GGACT: variants seen among roughly 807,000 people sequenced by gnomAD.
GGACT encodes the protein gamma-glutamylaminecyclotransferase.
For synonymous variants in GGACT, 118 were observed against 115.3 expected (o/e 1.02, Z -0.15); for missense variants, 241 against 233.2 (o/e 1.03, Z -0.22).
intron 1 of GGACT, among the ~76,000 whole-genome samples, chr13:100,586,227 T>TA (rs2153017762): frequency 6.6e-6 from 1 of 152,244 alleles, no homozygotes; most frequent in South Asian, 2.1e-4. Flanking sequence ...GGTGAAGTGT[T>TA]ATGTTGTCTG....
At chr13:100,560,279 T>G (rs1054296475) in intron 2 of GGACT, among the ~76,000 whole-genome samples, 1 of 152,222 alleles carries the variant, frequency 6.6e-6, no homozygotes, top group Non-Finnish European at 1.5e-5. Flanking sequence ...TCAAAAAAGC[T>G]GAATTATTTT....
chr13:100,573,894 A>C (rs7983500), intron 2 of GGACT, among the ~76,000 whole-genome samples: 2 of 150,618 alleles, frequency 1.3e-5, no homozygotes, highest in East Asian at 1.9e-4. Flanking sequence ...CAAAAAAAAA[A>C]AAAAAACATG....
intron 2 of GGACT, among the ~76,000 whole-genome samples, chr13:100,549,119 G>A (rs911910437): frequency 2.0e-5 from 3 of 152,060 alleles, no homozygotes; most frequent in East Asian, 1.9e-4. Flanking sequence ...AGGCTGAGGC[G>A]GGTGGTTCAC....
intron 2 of GGACT, among the ~76,000 whole-genome samples, chr13:100,564,276 A>G (rs1333618096): frequency 6.6e-6 from 1 of 152,214 alleles, no homozygotes. Flanking sequence ...CTCTCGAACT[A>G]CTAACTTTTA....
At chr13:100,549,630 C>G (rs1050988326) in intron 2 of GGACT, among the ~76,000 whole-genome samples, 2 of 152,230 alleles carry the variant, frequency 1.3e-5, no homozygotes, top group Non-Finnish European at 2.9e-5. Flanking sequence ...AGGCAGGACT[C>G]GTTTTGGTAG....
At chr13:100,569,552 A>AC (rs1332773090) in intron 2 of GGACT, among the ~76,000 whole-genome samples, 37 of 152,214 alleles carry the variant, frequency 2.4e-4, no homozygotes, top group African/African-American at 8.9e-4. Flanking sequence ...CCACAAAAGC[A>AC]TTTTTCCCTC....
chr13:100,582,594 G>A (rs1359482883), intron 2 of GGACT, among the ~76,000 whole-genome samples: 2 of 152,146 alleles, frequency 1.3e-5, no homozygotes, highest in East Asian at 3.9e-4. Context: ...CAGATGTGAC[G>A]ACAAAAGCAG....
intron 2 of GGACT, among the ~76,000 whole-genome samples, chr13:100,544,205 G>A (rs1237507587): frequency 6.6e-6 from 1 of 152,170 alleles, no homozygotes; most frequent in Admixed American, 6.5e-5. Flanking sequence ...AGAAAACGCC[G>A]AGTGTCTGAT....
chr13:100,584,049 A>G (rs1875494815), intron 1 of GGACT, 52 bp from the exon 2 acceptor site: 1 of 152,222 alleles, frequency 6.6e-6, no homozygotes, highest in Non-Finnish European at 1.5e-5. Flanking sequence ...TAAACATTTA[A>G]GCAATAAGGG....
chr13:100,546,293 C>T (rs961359201), intron 2 of GGACT, among the ~76,000 whole-genome samples: 21 of 139,460 alleles, frequency 1.5e-4, no homozygotes, highest in African/African-American at 3.5e-4. Context: ...ACCCGGTAGG[C>T]GGAGCTTGCA....
intron 2 of GGACT, among the ~76,000 whole-genome samples, chr13:100,532,852 C>T (rs949751294): frequency 8.5e-5 from 13 of 152,236 alleles, no homozygotes; most frequent in Admixed American, 6.5e-5. Flanking sequence ...TGTTCACAAA[C>T]GGGCACCAGG....
At chr13:100,546,999 C>A (rs72661028) in intron 2 of GGACT, among the ~76,000 whole-genome samples, 1,524 of 152,340 alleles carry the variant, frequency 0.01, 14 homozygotes, top group Non-Finnish European at 0.015. Flanking sequence ...CCACTCAGCC[C>A]AGATTCCCAA....
intron 2 of GGACT, among the ~76,000 whole-genome samples, chr13:100,544,378 G>A (rs899388626): frequency 2.6e-5 from 4 of 152,224 alleles, no homozygotes; most frequent in African/African-American, 9.6e-5. Flanking sequence ...GGGAGGGCTC[G>A]GGCCGCATCC....
At chr13:100,579,693 C>CTGGAAATGTGAG (rs1875356475) in intron 2 of GGACT, among the ~76,000 whole-genome samples, 1 of 152,190 alleles carries the variant, frequency 6.6e-6, no homozygotes, top group South Asian at 2.1e-4. Context: ...CAGCTCACAC[C>CTGGAAATGTGAG]CTTTTTTCCA....
chr13:100,560,918 T>C (rs1000016467), intron 2 of GGACT, among the ~76,000 whole-genome samples: 1 of 152,176 alleles, frequency 6.6e-6, no homozygotes, highest in South Asian at 2.1e-4. Context: ...ATTGTGAACA[T>C]CTCTGACAGC....
intron 2 of GGACT, among the ~76,000 whole-genome samples, chr13:100,535,057 CTG>C (rs1156990683): frequency 6.6e-6 from 1 of 152,196 alleles, no homozygotes; most frequent in Non-Finnish European, 1.5e-5. Flanking sequence ...AACTTGGAAA[CTG>C]TTTGGTCCAG....
At chr13:100,541,981 T>C (rs1386469578) in intron 2 of GGACT, among the ~76,000 whole-genome samples, 1 of 152,186 alleles carries the variant, frequency 6.6e-6, no homozygotes, top group Non-Finnish European at 1.5e-5. Flanking sequence ...GCTTCTGTCA[T>C]AAGAAAAACT....
chr13:100,532,483 G>GCGTGCGGC lies in GGACT; in HGVS notation c.101_108dup (p.Leu37AlafsTer10). The GCGTGCGGC allele has an allele frequency of 6.5e-7, 1 of 1,548,998 alleles. No individual in the cohort carries two copies. Among genetic ancestry groups the GCGTGCGGC allele is most frequent in the Non-Finnish European group, 8.7e-7 (1 of 1,146,318 alleles). ...GCGATCACCAACGGGTAGGGCTCCA[G>GCGTGCGGC]CGTGCGGCCGCGCGCCCGAAAGGCT... On this transcript the variant is annotated frameshift_variant, in exon 3 of 3. Coordinates refer to ENST00000683975, the MANE Select transcript of GGACT (RefSeq NM_001195087.2). LOFTEE classifies it low-confidence loss of function (END_TRUNC).
At chr13:100,551,176 C>A (rs1382818444) in intron 2 of GGACT, among the ~76,000 whole-genome samples, 1 of 151,662 alleles carries the variant, frequency 6.6e-6, no homozygotes, top group South Asian at 2.1e-4. Flanking sequence ...CCCAGCTACT[C>A]GGGAGGCTGA....
Sources: allele counts gnomAD v4.1 joint callset (sites outside exome capture counted in the v4.1 genomes callset), GRCh38; gene constraint gnomAD v4.1.1; transcripts MANE v1.5; gene names NCBI Gene and HGNC (gene_info 2026-07-23, HGNC 2026-07-21).